CDK5RAP3: variants seen among roughly 807,000 people sequenced by gnomAD.
CDK5RAP3 encodes the protein CDK5 regulatory subunit associated protein 3, also known as CDK5 regulatory subunit-associated protein 3.
CDK5RAP3 carries 58 observed loss-of-function variants against 73.3 expected under a neutral mutation model. That is an observed-to-expected ratio of 0.79 (90% CI 0.64 to 0.98). The LOEUF (loss-of-function observed/expected upper bound fraction) is 0.98, where lower values mean the gene tolerates loss of function less well. Among genes scored for constraint, CDK5RAP3 ranks in the 50% least tolerant of loss-of-function variants. The pLI, the probability that CDK5RAP3 is intolerant of heterozygous loss-of-function variation, is 0.00. For synonymous variants in CDK5RAP3, 224 were observed against 247.5 expected, an observed-to-expected ratio of 0.91 and a Z score of 0.89; for missense variants, 525 against 615.8, an observed-to-expected ratio of 0.85 and a Z score of 1.56.
At position 47,977,882 on chromosome 17, in the gene CDK5RAP3, G is replaced by T. The variant is rs2036453773; in HGVS notation, c.960G>T (p.Gln320His). 1 of 1,614,124 alleles carries T rather than the reference G, an allele frequency of 6.2e-7. No individual in the cohort carries two copies. Among genetic ancestry groups the T allele is most frequent in the Non-Finnish European group, 8.5e-7 (1 of 1,180,000 alleles). ...IDWGDDAVAL[Q>H]ITVLEAGTQA... Reference sequence around the variant, plus strand: ...GGGGAGACGATGCTGTTGCTTTGCAGATCACAGTGCTGGAAGCAGGAACCC... The same window carrying T: ...GGGGAGACGATGCTGTTGCTTTGCATATCACAGTGCTGGAAGCAGGAACCC... The change falls in exon 10 of 14, where the codon CAG becomes CAT. Residue 320 changes from glutamine (Q) to histidine (H), a missense_variant. Transcript: ENST00000338399.
chr17:47,981,723 T>C lies in CDK5RAP3; in HGVS notation c.*221T>C. ...TGGTCTATCAGGCGAAAACCACAGA[T>C]TCTCCTTCTAGTTAGTATAGCGGAC... On this transcript the variant is annotated 3_prime_UTR_variant, in exon 14 of 14. Transcript: ENST00000338399. The C allele has an allele frequency of 6.5e-7, 1 of 1,527,114 alleles. No homozygotes were observed. The highest frequency in any genetic ancestry group is 2.5e-5 in the East Asian group (1 of 40,148). 94.6% of individuals were successfully genotyped at this position (1,527,114 alleles called of 1,614,324 possible). A position where few individuals can be genotyped will look rare whatever the true frequency, so the allele number is the denominator to read the frequency against.
At chr17:47,975,745 T>C in intron 7 of CDK5RAP3, 92 bp downstream of exon 7, 1 of 1,571,432 alleles carries the variant, frequency 6.4e-7, no homozygotes, top group South Asian at 1.2e-5. Context: ...CCATATAACA[T>C]TTGAACTCTT....
At position 47,980,695 on chromosome 17, in the gene CDK5RAP3, A is replaced by T; in HGVS notation, c.1180A>T (p.Thr394Ser). ...QLAPAILQGQ[T>S]KEKMVTMVSV... The stretch of plus-strand genomic sequence containing the variant: ...GGCTCCAGCCATCCTGCAGGGCCAG[A>T]CCAAAGAGAAGATGGTTACCATGGT... Residue 394 changes from threonine (T) to serine (S), a missense_variant, in exon 12 of 14, where the codon ACC (threonine) becomes TCC (serine). Physicochemically the swap from Thr to Ser is moderately conservative, Grantham distance 58. Transcript: ENST00000338399. 1 of 1,614,194 alleles carries T rather than the reference A, an allele frequency of 6.2e-7. No individual in the cohort carries two copies. Among genetic ancestry groups the T allele is most frequent in the Non-Finnish European group, 8.5e-7 (1 of 1,180,044 alleles).
In CDK5RAP3 at chr17:47,974,683, G is replaced by A. The variant is rs1260429112; in HGVS notation, c.334+235G>A. 9 of 1,361,726 alleles carry A rather than the reference G, an allele frequency of 6.6e-6. No individual in the cohort carries two copies. In the Admixed American group the frequency reaches 1.5e-4, roughly 23 times the overall value. The allele number at this position is 1,361,726 out of a possible 1,614,324, so 84.4% of individuals were successfully genotyped here. A position where few individuals can be genotyped will look rare whatever the true frequency, so the allele number is the denominator to read the frequency against. ...TAGTGGCCATTCGCCGTGCCTCAGC[G>A]AGCAGGTGTGTGTGGGTCCTCCACC... is the stretch of plus-strand genomic sequence containing the variant. On this transcript the variant is annotated intron_variant, in intron 5 of 13. Transcript: ENST00000338399.
intron 11 of CDK5RAP3, chr17:47,979,635 C>T (rs934224535): frequency 1.3e-5 from 2 of 152,470 alleles, no homozygotes; most frequent in African/African-American, 2.4e-5. Flanking sequence ...AGGACGATCC[C>T]TGTGGCTAAG....
upstream of CDK5RAP3, among the ~76,000 whole-genome samples, chr17:47,970,236 T>C (rs890804358): frequency 6.6e-6 from 1 of 152,174 alleles, no homozygotes; most frequent in Non-Finnish European, 1.5e-5. Context: ...TGATATGGCC[T>C]TTCCACCCTT....
In CDK5RAP3 at chr17:47,978,923, G is replaced by C. The variant is rs1443586051; in HGVS notation, c.1077+6G>C. Reference sequence around the variant, plus strand: ...TCCTTGATGAGCTCATGGAGGTACTGTCATCTCTGGAAGATGCAGGGGGGA... The same window carrying C: ...TCCTTGATGAGCTCATGGAGGTACTCTCATCTCTGGAAGATGCAGGGGGGA... On this transcript the variant is annotated splice_donor_region_variant and intron_variant, in intron 11 of 13. Transcript: ENST00000338399. 4 of 1,610,842 alleles carry C rather than the reference G, an allele frequency of 2.5e-6. No individual in the cohort carries two copies. The highest frequency in any genetic ancestry group is 1.3e-5 in the African/African-American group (1 of 74,866).
In CDK5RAP3 at chr17:47,973,546, G is replaced by T. The variant is rs1235546716; in HGVS notation, c.80G>T (p.Ser27Ile). Residue 27 changes from serine (S) to isoleucine (I), a missense_variant, in exon 3 of 14, where the codon AGC (serine) becomes ATC (isoleucine). This residue lies in a region of CDK5RAP3 where 409 missense variants were observed against 429.8 expected (regional missense o/e 0.95). Transcript: ENST00000338399. ...LDWLVDRRHCSLKWQSLVLTI... is the reference protein window; with the variant it reads ...LDWLVDRRHCILKWQSLVLTI... The stretch of plus-strand genomic sequence containing the variant: ...TGGCTGGTGGACAGAAGGCACTGCA[G>T]CCTGAAATGGCAGAGTCTGGTGCTG... 1.2e-6 allele frequency: 2 copies of T among 1,614,070 alleles called. No homozygotes were observed. Among genetic ancestry groups the T allele is most frequent in the Admixed American group, 1.7e-5 (1 of 60,006 alleles).
Position 47,976,768 on chromosome 17 carries a change from C to T in CDK5RAP3, c.855C>T (p.Ile285=). 6.2e-7 allele frequency: 1 copy of T among 1,612,718 alleles called. No homozygotes were observed. The highest frequency in any genetic ancestry group is 8.5e-7 in the Non-Finnish European group (1 of 1,179,332). ...EAVSEGTDSG[I]SAEAAGIDWG... ...TGTCTGAGGGGACTGACTCTGGCAT[C>T]TCTGCCGAGGCTGCTGGAATCGACT... Residue 285 remains isoleucine, a synonymous_variant, in exon 9 of 14, where the codon ATC becomes ATT. Coordinates refer to ENST00000338399, the MANE Select transcript of CDK5RAP3 (RefSeq NM_176096.3).
intron 12 of CDK5RAP3, 144 bp downstream of exon 12, chr17:47,980,942 C>A: frequency 1.1e-6 from 1 of 936,772 alleles, no homozygotes; most frequent in Non-Finnish European, 1.6e-6. Context: ...CTCTTTGGGA[C>A]AAGAGGGGGA....
chr17:47,978,947 GA>G (rs1567727022), intron 11 of CDK5RAP3, 30 bp downstream of exon 11: 1 of 1,564,382 alleles, frequency 6.4e-7, no homozygotes, highest in Admixed American at 1.7e-5. Context: ...ATGCAGGGGG[GA>G]GGCATGGCAC....
At position 47,978,494 on chromosome 17, in the gene CDK5RAP3, G is replaced by A. The variant is rs150735640; in HGVS notation, c.989-335G>A. The A allele has an allele frequency of 3.8e-3, 1,069 of 278,878 alleles. 10 individuals carry two copies. Among genetic ancestry groups the A allele is most frequent in the African/African-American group, 0.022 (1,027 of 45,676 alleles). 17.3% of individuals were successfully genotyped at this position (278,878 alleles called of 1,614,324 possible). A position where few individuals can be genotyped will look rare whatever the true frequency, so the allele number is the denominator to read the frequency against. On this transcript the variant is annotated intron_variant, in intron 10 of 13. Coordinates refer to ENST00000338399, the MANE Select transcript of CDK5RAP3 (RefSeq NM_176096.3). ...GGCCCTGGAGTGTGACATGACCCCC[G>A]CCCCAACAGCAGAGAAGACGTAGTG...
intron 9 of CDK5RAP3, 95 bp downstream of exon 9, chr17:47,976,917 T>G (rs2036430276): frequency 1.4e-6 from 1 of 714,788 alleles, no homozygotes; most frequent in Non-Finnish European, 2.3e-6. Context: ...TTGAAGTTCA[T>G]AGCTCTAAGA....
chr17:47,978,103 C>G (rs550283459), intron 10 of CDK5RAP3, 193 bp downstream of exon 10: 53 of 487,760 alleles, frequency 1.1e-4, no homozygotes, highest in African/African-American at 1.1e-3. Context: ...GAGTTTCGCT[C>G]TTGTTGCCCA....
In CDK5RAP3 at chr17:47,981,156, C is replaced by T. The variant is rs746571396; in HGVS notation, c.1284-7C>T. 69 of 1,612,154 alleles carry T rather than the reference C, an allele frequency of 4.3e-5. No homozygotes were observed. The highest frequency in any genetic ancestry group is 3.1e-4 in the East Asian group (14 of 44,816). On this transcript the variant is annotated splice_region_variant and splice_polypyrimidine_tract_variant and intron_variant, in intron 12 of 13. Transcript: ENST00000338399. ...TAACCCAGCACTCACCTGAGTGCCC[C>T]GCACAGGTATGTGGACCGAGTGACT... is the stretch of plus-strand genomic sequence containing the variant.
At position 47,976,708 on chromosome 17, in the gene CDK5RAP3, C is replaced by T. The variant is rs2036422458; in HGVS notation, c.799-4C>T. On this transcript the variant is annotated splice_polypyrimidine_tract_variant and splice_region_variant and intron_variant, in intron 8 of 13. Coordinates refer to ENST00000338399, the MANE Select transcript of CDK5RAP3 (RefSeq NM_176096.3). ...ATGAGCTAACACTCTCTTTCCCTTT[C>T]CAGATTGACTGGGGCGACTTTGGGG... The T allele has an allele frequency of 6.3e-7, 1 of 1,599,568 alleles. No individual in the cohort carries two copies. Among genetic ancestry groups the T allele is most frequent in the Admixed American group, 1.7e-5 (1 of 59,934 alleles).
intron 5 of CDK5RAP3, 70 bp downstream of exon 5, chr17:47,974,518 G>T: frequency 6.2e-7 from 1 of 1,612,096 alleles, no homozygotes; most frequent in Non-Finnish European, 8.5e-7. Context: ...GAGATACCAG[G>T]CTTATAGGAG....
Position 47,981,506 on chromosome 17 carries a change from C to A in CDK5RAP3, c.*4C>A. 6.2e-7 allele frequency: 1 copy of A among 1,614,194 alleles called. No individual in the cohort carries two copies. The highest frequency in any genetic ancestry group is 8.5e-7 in the Non-Finnish European group (1 of 1,180,040). On this transcript the variant is annotated 3_prime_UTR_variant, in exon 14 of 14. Coordinates refer to ENST00000338399, the MANE Select transcript of CDK5RAP3 (RefSeq NM_176096.3). ...CCTGATGGGAACCTCTCTGTGACAC[C>A]CTCCGTGTTCTTGCCTGCCCATCTT... is the stretch of plus-strand genomic sequence containing the variant.
chr17:47,977,572 C>G (rs1236948307), intron 9 of CDK5RAP3, among the ~76,000 whole-genome samples: 3 of 152,214 alleles, frequency 2.0e-5, no homozygotes, highest in African/African-American at 7.2e-5. Flanking sequence ...AGCCACTGCG[C>G]CCAGCCCATG....
Sources: allele counts gnomAD v4.1 joint callset (sites outside exome capture counted in the v4.1 genomes callset), GRCh38; gene constraint gnomAD v4.1.1; regional missense constraint gnomAD v4.1.1; transcripts MANE v1.5; gene names NCBI Gene and HGNC (gene_info 2026-07-23, HGNC 2026-07-21).